Variants in BRD10 observed in about 807,000 individuals in gnomAD.
The protein encoded by BRD10 is uncharacterized bromodomain-containing protein 10.
the BRD10 span, among the ~76,000 whole-genome samples, chr9:5,889,861 A>C: frequency 6.6e-6 from 1 of 152,194 alleles, no homozygotes; most frequent in Non-Finnish European, 1.5e-5. Context: ...CTTTTGCACC[A>C]ACCTAATTGA....
chr9:5,931,924 T>C, the BRD10 span, among the ~76,000 whole-genome samples: 4 of 152,166 alleles, frequency 2.6e-5, no homozygotes, highest in Non-Finnish European at 2.9e-5. Flanking sequence ...GGTGCTTTAA[T>C]TACTTAGAGT....
the BRD10 span, among the ~76,000 whole-genome samples, chr9:5,989,688 C>G: frequency 2.0e-5 from 3 of 151,930 alleles, no homozygotes; most frequent in Non-Finnish European, 4.4e-5. Context: ...TGCCACCACG[C>G]CTGGCTAACT....
At chr9:5,906,448 T>C in the BRD10 span, among the ~76,000 whole-genome samples, 1 of 152,254 alleles carries the variant, frequency 6.6e-6, no homozygotes, top group Non-Finnish European at 1.5e-5. Context: ...TGTTATTTTC[T>C]TTTTCTCTAA....
chr9:5,977,999 C>T, the BRD10 span, among the ~76,000 whole-genome samples: 6 of 152,128 alleles, frequency 3.9e-5, no homozygotes, highest in Non-Finnish European at 7.4e-5. Context: ...ATTAAGCCTT[C>T]AATGTTGGGA....
the BRD10 span, among the ~76,000 whole-genome samples, chr9:5,959,705 T>C: frequency 6.6e-6 from 1 of 152,198 alleles, no homozygotes; most frequent in South Asian, 2.1e-4. Flanking sequence ...TTTTCACAGA[T>C]ACGGGCCTGG....
At chr9:5,934,393 CT>C in the BRD10 span, among the ~76,000 whole-genome samples, 1 of 136,968 alleles carries the variant, frequency 7.3e-6, no homozygotes, top group African/African-American at 2.8e-5. Flanking sequence ...GGGTCTTGCT[CT>C]GTTGCCCAGG....
chr9:5,920,682 T>C, the BRD10 span: 1 of 1,614,020 alleles, frequency 6.2e-7, no homozygotes. Context: ...ACAGAACGTG[T>C]GGCTCCTGGT....
chr9:5,890,978 C>T, the BRD10 span: 1 of 152,148 alleles, frequency 6.6e-6, no homozygotes, highest in African/African-American at 2.4e-5. Context: ...GTCCTCTTCT[C>T]CCAGAATAGG....
chr9:5,987,321 T>G, the BRD10 span, among the ~76,000 whole-genome samples: 1 of 152,330 alleles, frequency 6.6e-6, no homozygotes, highest in East Asian at 1.9e-4. Context: ...CAATTTCTGG[T>G]GACCAGTATT....
the BRD10 span, chr9:5,922,576 T>C: frequency 3.7e-6 from 6 of 1,614,026 alleles, no homozygotes; most frequent in Non-Finnish European, 5.1e-6. Flanking sequence ...TTGTTGTCTG[T>C]GGGAAAGATG....
At chr9:5,958,368 C>A in the BRD10 span, among the ~76,000 whole-genome samples, 1 of 151,972 alleles carries the variant, frequency 6.6e-6, no homozygotes, top group South Asian at 2.1e-4. Context: ...GATTATCATC[C>A]CCCTTTCAGT....
chr9:5,920,561 G>T, the BRD10 span: 3 of 1,613,824 alleles, frequency 1.9e-6, no homozygotes, highest in East Asian at 4.5e-5. Flanking sequence ...TGTTGAAAGG[G>T]ACGACAATTC....
At chr9:6,000,127 A>G in the BRD10 span, among the ~76,000 whole-genome samples, 6 of 152,180 alleles carry the variant, frequency 3.9e-5, no homozygotes, top group African/African-American at 9.7e-5. Flanking sequence ...CTAGTTAACA[A>G]TAACAACTAC....
the BRD10 span, among the ~76,000 whole-genome samples, chr9:5,953,857 G>A: frequency 9.9e-5 from 15 of 152,098 alleles, no homozygotes; most frequent in Non-Finnish European, 1.9e-4. Flanking sequence ...ATTAAATCTT[G>A]GTTACATCTG....
chr9:5,957,274 T>C, the BRD10 span, among the ~76,000 whole-genome samples: 6,754 of 152,238 alleles, frequency 0.044, 408 homozygotes, highest in South Asian at 0.13. Context: ...CTCACTCATG[T>C]GTCACACAGT....
chr9:5,954,819 G>T, the BRD10 span, among the ~76,000 whole-genome samples: 24 of 152,150 alleles, frequency 1.6e-4, no homozygotes, highest in East Asian at 1.7e-3. Flanking sequence ...GACCAGGCGC[G>T]GTGGCTCACA....
At chr9:5,924,844 T>C in the BRD10 span, 4 of 1,489,280 alleles carry the variant, frequency 2.7e-6, no homozygotes, top group Non-Finnish European at 3.6e-6. Flanking sequence ...TTCAGGCGGC[T>C]CCTGAAATAA....
At chr9:5,996,222 C>T in the BRD10 span, among the ~76,000 whole-genome samples, 1 of 152,042 alleles carries the variant, frequency 6.6e-6, no homozygotes, top group African/African-American at 2.4e-5. Context: ...ACAAACAAAA[C>T]CTTCCAAAGC....
the BRD10 span, chr9:5,919,585 A>ACACACACACACACACACACACAC: frequency 5.7e-6 from 2 of 351,196 alleles, no homozygotes; most frequent in Non-Finnish European, 9.1e-6. Flanking sequence ...CACACACACA[A>ACACACACACACACACACACACAC]TGTATAGTAT....
Sources: gnomAD v4.1 joint callset for allele counts (sites outside exome capture counted in the v4.1 genomes callset) on GRCh38, gnomAD v4.1.1 for gene constraint, MANE v1.5 for transcripts, NCBI Gene and HGNC (gene_info 2026-07-23, HGNC 2026-07-21) for gene names.